The following CSMD1 variants were observed in gnomAD, a reference collection of about 807,000 sequenced individuals.
The protein encoded by CSMD1 is CUB and Sushi multiple domains 1.
A neutral mutation model predicts 417.5 loss-of-function variants in CSMD1; 213 were observed. The observed-to-expected ratio is 0.51, with a 90% CI of 0.46 to 0.57. The LOEUF (loss-of-function observed/expected upper bound fraction) is 0.57. Ranked by LOEUF, CSMD1 falls within the 20% of genes least tolerant of loss-of-function variation. The pLI is 0.00. For synonymous variants in CSMD1, 2,862 were observed against 1,736.8 expected (o/e 1.65, Z -16.11); for missense variants, 6,923 against 4,529.7 (o/e 1.53, Z -15.17).
chr8:4,802,507 A>T (rs1798357135), intron 1 of CSMD1, among the ~76,000 whole-genome samples: 1 of 131,968 alleles, frequency 7.6e-6, no homozygotes, highest in African/African-American at 3.2e-5. Context: ...ACCACTTAAG[A>T]AAAGACAGAG....
chr8:3,770,418 A>G (rs1158691831), intron 5 of CSMD1, among the ~76,000 whole-genome samples: 1 of 152,020 alleles, frequency 6.6e-6, no homozygotes, highest in Admixed American at 6.6e-5. Context: ...AATTCCAGCT[A>G]CTCGAGAGGC....
chr8:4,791,242 G>T (rs528468741), intron 1 of CSMD1, among the ~76,000 whole-genome samples: 1 of 152,288 alleles, frequency 6.6e-6, no homozygotes, highest in South Asian at 2.1e-4. Flanking sequence ...ACGTGCCTGG[G>T]GTTGCAGGGG....
chr8:4,296,721 G>T, intron 3 of CSMD1, among the ~76,000 whole-genome samples: 1 of 93,370 alleles, frequency 1.1e-5, no homozygotes. Context: ...TTTTTCTCCA[G>T]GGCTTACACT....
At chr8:3,848,529 C>T (rs2975387) in intron 5 of CSMD1, among the ~76,000 whole-genome samples, 28,038 of 152,130 alleles carry the variant, frequency 0.18, 2,773 homozygotes, top group East Asian at 0.4. Flanking sequence ...TGAGAAGTTA[C>T]TTAATTTACT....
At chr8:3,494,163 T>C (rs1393899500) in intron 10 of CSMD1, among the ~76,000 whole-genome samples, 2 of 152,130 alleles carry the variant, frequency 1.3e-5, no homozygotes, top group Non-Finnish European at 2.9e-5. Context: ...GAATTATCCA[T>C]ATTAGCACCC....
intron 1 of CSMD1, among the ~76,000 whole-genome samples, chr8:4,863,356 G>A (rs999266794): frequency 3.9e-5 from 6 of 151,956 alleles, no homozygotes; most frequent in South Asian, 2.1e-4. Context: ...GAAGTCCTTG[G>A]CCAACATTAT....
At chr8:3,004,221 T>C (rs1427888367) in intron 52 of CSMD1, among the ~76,000 whole-genome samples, 6 of 152,202 alleles carry the variant, frequency 3.9e-5, no homozygotes, top group Non-Finnish European at 8.8e-5. Flanking sequence ...GAGGCTGTGA[T>C]TTGTCTTGAT....
Position 3,157,981 on chromosome 8 carries a change from A to T in CSMD1, c.5845-15T>A, listed in dbSNP as rs2129038523. The T allele has an allele frequency of 6.5e-7, 1 of 1,548,206 alleles. No homozygotes were observed. The highest frequency in any genetic ancestry group is 1.2e-5 in the South Asian group (1 of 83,964). On this transcript the variant is annotated splice_polypyrimidine_tract_variant and intron_variant, in intron 38 of 69. Coordinates refer to ENST00000635120, the MANE Select transcript of CSMD1 (RefSeq NM_033225.6). ...TGGGAACGGCCCTGTTTAAAAGAAA[A>T]CAAAAGAAAATACATATAACTAAAA... is the stretch of plus-strand genomic sequence containing the variant.
chr8:4,074,234 C>G (rs548607241), intron 3 of CSMD1, among the ~76,000 whole-genome samples: 5 of 151,698 alleles, frequency 3.3e-5, no homozygotes, highest in Non-Finnish European at 7.4e-5. Context: ...TTTTTGTAAC[C>G]CCAGAGAAAG....
intron 1 of CSMD1, among the ~76,000 whole-genome samples, chr8:4,752,617 G>A (rs1202059812): frequency 6.6e-6 from 1 of 152,156 alleles, no homozygotes; most frequent in Non-Finnish European, 1.5e-5. Flanking sequence ...ATGTAGGGGA[G>A]CAAGAGAGAG....
In CSMD1 at chr8:3,396,333, T is replaced by C. The variant is rs1811697174; in HGVS notation, c.2454A>G (p.Pro818=). 1.2e-6 allele frequency: 2 copies of C among 1,608,046 alleles called. No homozygotes were observed. The highest frequency in any genetic ancestry group is 1.7e-6 in the Non-Finnish European group (2 of 1,177,216). The change falls in exon 17 of 70, where the codon CCA becomes CCG. Residue 818 remains proline, a synonymous_variant. Coordinates refer to ENST00000635120, the MANE Select transcript of CSMD1 (RefSeq NM_033225.6). ...CGCCGATCAGTGGGGACGAACTGGC[T>C]GGCCCATCTCTGACCTCCAAGGTGT... ...NYDTLEVRDG[P]ASSSPLIGEY...
At chr8:4,826,720 C>T (rs1216880601) in intron 1 of CSMD1, among the ~76,000 whole-genome samples, 1 of 152,142 alleles carries the variant, frequency 6.6e-6, no homozygotes, top group Non-Finnish European at 1.5e-5. Flanking sequence ...TTTCGTGACC[C>T]TCATGCCCCA....
chr8:3,774,109 C>G (rs139018712), intron 5 of CSMD1, among the ~76,000 whole-genome samples: 1 of 152,162 alleles, frequency 6.6e-6, no homozygotes, highest in African/African-American at 2.4e-5. Context: ...ATGTCCGCAA[C>G]CCATTCCCTC....
chr8:4,020,787 G>A (rs758911534), intron 4 of CSMD1, among the ~76,000 whole-genome samples: 2 of 152,212 alleles, frequency 1.3e-5, no homozygotes, highest in Admixed American at 1.3e-4. Context: ...GGTCTGAAAT[G>A]AGATTTCTTT....
At chr8:3,996,809 T>A (rs1422069385) in intron 5 of CSMD1, among the ~76,000 whole-genome samples, 1 of 152,218 alleles carries the variant, frequency 6.6e-6, no homozygotes, top group African/African-American at 2.4e-5. Flanking sequence ...AAAGGACTTC[T>A]CCATGAATAG....
chr8:4,234,023 G>T (rs999075605), intron 3 of CSMD1, among the ~76,000 whole-genome samples: 2 of 152,104 alleles, frequency 1.3e-5, no homozygotes, highest in Non-Finnish European at 2.9e-5. Flanking sequence ...CTGGCATCTG[G>T]TTAAGAGTCT....
intron 5 of CSMD1, among the ~76,000 whole-genome samples, chr8:3,861,805 AGT>A (rs1804729100): frequency 6.6e-6 from 1 of 152,156 alleles, no homozygotes; most frequent in South Asian, 2.1e-4. Flanking sequence ...TATCTTTCTA[AGT>A]GTGCCGATTA....
At chr8:3,208,703 C>T (rs1024691421) in intron 30 of CSMD1, among the ~76,000 whole-genome samples, 2 of 152,104 alleles carry the variant, frequency 1.3e-5, no homozygotes, top group Non-Finnish European at 1.5e-5. Flanking sequence ...GGCAGACCCA[C>T]CCTTAATTTG....
intron 3 of CSMD1, among the ~76,000 whole-genome samples, chr8:4,067,368 G>T (rs1799306215): frequency 6.6e-6 from 1 of 152,174 alleles, no homozygotes; most frequent in East Asian, 1.9e-4. Flanking sequence ...AGTGATTCGG[G>T]AGTTAAACTG....
Sources: gnomAD v4.1 joint callset for allele counts (sites outside exome capture counted in the v4.1 genomes callset) on GRCh38, gnomAD v4.1.1 for gene constraint, MANE v1.5 for transcripts, NCBI Gene and HGNC (gene_info 2026-07-23, HGNC 2026-07-21) for gene names.